IFT140: variants seen among roughly 807,000 people sequenced by gnomAD.
IFT140 encodes the protein intraflagellar transport protein 140 homolog.
IFT140 carries 133 observed loss-of-function variants against 164.6 expected under a neutral mutation model. The observed-to-expected ratio is 0.81, with a 90% CI of 0.70 to 0.93. The LOEUF is 0.93. Ranked by LOEUF, IFT140 falls within the 40% of genes least tolerant of loss-of-function variation. The pLI, the probability that IFT140 is intolerant of heterozygous loss-of-function variation, is 0.00. For missense variants in IFT140, 2,045 were observed against 1,972.3 expected, an observed-to-expected ratio of 1.04 and a Z score of -0.70; for synonymous variants, 860 against 817.3, an observed-to-expected ratio of 1.05 and a Z score of -0.89.
At chr16:1,601,585 C>G (rs575797240) in intron 4 of IFT140, among the ~76,000 whole-genome samples, 2 of 152,220 alleles carry the variant, frequency 1.3e-5, no homozygotes. Context: ...GCAGTGGGAA[C>G]AGCGGGCGAA....
At chr16:1,557,889 G>A (rs372224341) in intron 19 of IFT140, 46 bp downstream of exon 19, 16 of 1,569,948 alleles carry the variant, frequency 1.0e-5, no homozygotes, top group African/African-American at 1.4e-5. Context: ...GGAAAGAGCC[G>A]TGAGCACGCG....
rs2036297911 is a variant in IFT140, at chr16:1,610,861, AGAGAAGCGGGACGAGCTTTTTCTAG to A, written c.-221-33_-221-9del. 2.0e-5 allele frequency: 3 copies of A among 153,244 alleles called. No homozygotes were observed. The Admixed American group carries it at 2.0e-4, about 10-fold the overall frequency. 9.5% of individuals were successfully genotyped at this position (153,244 alleles called of 1,614,324 possible). Reference sequence around the variant, plus strand: ...GGGCCAGGTTATTCCGCTCTGCAAGAGAGAAGCGGGACGAGCTTTTTCTAGGAGAGACGGCGGCGCAGGGCCGGCG... The same window carrying A: ...GGGCCAGGTTATTCCGCTCTGCAAGAGAGAGACGGCGGCGCAGGGCCGGCG... On this transcript the variant is annotated splice_polypyrimidine_tract_variant and intron_variant, in intron 1 of 30. Transcript: ENST00000426508.
Position 1,526,539 on chromosome 16 carries a change from G to A in IFT140, c.2577+80C>T, listed in dbSNP as rs1023794478. The A allele has an allele frequency of 3.1e-5, 42 of 1,347,226 alleles. 1 individual carries two copies. Among genetic ancestry groups the A allele is most frequent in the Admixed American group, 1.4e-4 (5 of 35,488 alleles). The allele number at this position is 1,347,226 out of a possible 1,614,324, so 83.5% of individuals were successfully genotyped here. On this transcript the variant is annotated intron_variant, in intron 20 of 30. Transcript: ENST00000426508. ...TCAGTGCAGGCTCAGGCCGGTGGGC[G>A]TGCCTCCTCCTTCCCCAGGGGGCCG...
At chr16:1,516,287 C>T (rs2040341469) in intron 30 of IFT140, among the ~76,000 whole-genome samples, 1 of 150,532 alleles carries the variant, frequency 6.6e-6, no homozygotes, top group South Asian at 2.1e-4. Flanking sequence ...TAACACTATA[C>T]TGTGTTTATA....
intron 19 of IFT140, chr16:1,534,025 T>C: frequency 1.9e-6 from 1 of 520,594 alleles, no homozygotes; most frequent in Admixed American, 4.0e-5. Flanking sequence ...GCCCACCCTC[T>C]GCTCCCTGGG....
intron 17 of IFT140, among the ~76,000 whole-genome samples, chr16:1,562,578 C>T (rs964544651): frequency 5.9e-5 from 9 of 152,140 alleles, no homozygotes; most frequent in African/African-American, 2.2e-4. Flanking sequence ...TTGAGACCAG[C>T]CTGGCCAACG....
intron 4 of IFT140, among the ~76,000 whole-genome samples, chr16:1,593,909 A>T (rs190502978): frequency 4.3e-4 from 66 of 152,248 alleles, no homozygotes; most frequent in African/African-American, 1.5e-3. Flanking sequence ...AGTGGGAGAT[A>T]CACCCTACCC....
chr16:1,557,939 T>C lies in IFT140; in HGVS notation c.2395A>G (p.Lys799Glu). 6.2e-7 allele frequency: 1 copy of C among 1,613,416 alleles called. No individual in the cohort carries two copies. The highest frequency in any genetic ancestry group is 2.2e-5 in the East Asian group (1 of 44,886). Residue 799 changes from lysine (K) to glutamate (E), a missense_variant, in exon 19 of 31, where the codon AAA (lysine) becomes GAA (glutamate). Coordinates refer to ENST00000426508, the MANE Select transcript of IFT140 (RefSeq NM_014714.4). ...CCCAGTGGTCGGGATCCTCACCTTT[T>C]GATGAGCTTGATGGATTTGAAGGCT... ...DEAFKSIKLI[K>E]SEAVWENMAR...
intron 30 of IFT140, among the ~76,000 whole-genome samples, chr16:1,513,705 G>GCC (rs1165797111): frequency 8.3e-4 from 123 of 148,724 alleles, no homozygotes; most frequent in African/African-American, 3.0e-3. Context: ...ACGGAGTCTT[G>GCC]CTGTGTCGCC....
At chr16:1,547,381 C>T (rs555414367) in intron 19 of IFT140, among the ~76,000 whole-genome samples, 1 of 152,324 alleles carries the variant, frequency 6.6e-6, no homozygotes, top group Admixed American at 6.5e-5. Flanking sequence ...GAGACGCTGA[C>T]TTTATCAGTC....
In IFT140 at chr16:1,542,007, G is replaced by A. The variant is rs760973330; in HGVS notation, c.2400-15211C>T. 11 of 1,611,246 alleles carry A rather than the reference G, an allele frequency of 6.8e-6. No homozygotes were observed. The highest frequency in any genetic ancestry group is 1.7e-5 in the Admixed American group (1 of 59,958). Reference sequence around the variant, plus strand: ...GCTCACCTTCCTCCTGGGGCTGGTGGGCCTGCCCCTGCTGTCACCCGACGC... The same window carrying A: ...GCTCACCTTCCTCCTGGGGCTGGTGAGCCTGCCCCTGCTGTCACCCGACGC... On this transcript the variant is annotated intron_variant, in intron 19 of 30. Transcript: ENST00000426508.
At position 1,541,991 on chromosome 16, in the gene IFT140, C is replaced by T. The variant is rs761817569; in HGVS notation, c.2400-15195G>A. 2.5e-6 allele frequency: 4 copies of T among 1,611,334 alleles called. No individual in the cohort carries two copies. In the South Asian group the frequency reaches 4.4e-5, roughly 18 times the overall value. ...CGCTCACCGCAGGCCAGCTCACCTTCCTCCTGGGGCTGGTGGGCCTGCCCC... is the reference window on the plus strand; with the variant it reads ...CGCTCACCGCAGGCCAGCTCACCTTTCTCCTGGGGCTGGTGGGCCTGCCCC... On this transcript the variant is annotated intron_variant, in intron 19 of 30. Coordinates refer to ENST00000426508, the MANE Select transcript of IFT140 (RefSeq NM_014714.4).
At chr16:1,592,675 G>A in intron 4 of IFT140, 87 bp from the exon 5 acceptor site, 2 of 1,506,268 alleles carry the variant, frequency 1.3e-6, no homozygotes, top group Non-Finnish European at 1.8e-6. Flanking sequence ...AGCGACTGGT[G>A]GTGGGACAGG....
chr16:1,595,386 G>A (rs915950824), intron 4 of IFT140, among the ~76,000 whole-genome samples: 1 of 152,160 alleles, frequency 6.6e-6, no homozygotes, highest in African/African-American at 2.4e-5. Flanking sequence ...GGGAGGCCGA[G>A]GCAAGCAGAT....
chr16:1,602,833 G>T (rs922103659), intron 3 of IFT140, among the ~76,000 whole-genome samples: 1 of 152,046 alleles, frequency 6.6e-6, no homozygotes, highest in African/African-American at 2.4e-5. Context: ...CCAGCTACTC[G>T]GGAGGCTAAG....
intron 3 of IFT140, among the ~76,000 whole-genome samples, chr16:1,605,145 A>T (rs2035994487): frequency 6.6e-6 from 1 of 152,156 alleles, no homozygotes; most frequent in East Asian, 1.9e-4. Flanking sequence ...GCTCTGCAGA[A>T]GGCCATGGTG....
At chr16:1,571,690 G>A (rs1216661467) in intron 13 of IFT140, among the ~76,000 whole-genome samples, 156 bp from the exon 14 acceptor site, 1 of 152,244 alleles carries the variant, frequency 6.6e-6, no homozygotes, top group Non-Finnish European at 1.5e-5. Context: ...CACTCGCTCA[G>A]TGTTTACTGA....
At chr16:1,513,820 C>T (rs1264029738) in intron 30 of IFT140, among the ~76,000 whole-genome samples, 2 of 149,290 alleles carry the variant, frequency 1.3e-5, no homozygotes, top group Non-Finnish European at 1.5e-5. Flanking sequence ...ACTACAGGCG[C>T]CCACCACCAC....
chr16:1,546,647 G>C (rs1407703117), intron 19 of IFT140, among the ~76,000 whole-genome samples: 5 of 152,216 alleles, frequency 3.3e-5, no homozygotes, highest in Non-Finnish European at 7.3e-5. Context: ...GTCTCCCTCG[G>C]GGGCGCAAAC....
Sources: allele counts gnomAD v4.1 joint callset (sites outside exome capture counted in the v4.1 genomes callset), GRCh38; gene constraint gnomAD v4.1.1; transcripts MANE v1.5; gene names NCBI Gene and HGNC (gene_info 2026-07-23, HGNC 2026-07-21).